The following WFDC2 variants were observed in gnomAD, a reference collection of about 807,000 sequenced individuals.
WFDC2 encodes WAP four-disulfide core domain protein 2.
A neutral mutation model predicts 12.5 loss-of-function variants in WFDC2; 8 were observed. The ratio of observed to expected loss-of-function variants is 0.64; its 90% CI spans 0.37 to 1.15. The LOEUF is 1.15. Among genes scored for constraint, WFDC2 ranks in the 50% most tolerant of loss-of-function variants. The pLI is 0.01. For synonymous variants in WFDC2, 74 were observed against 67.2 expected, an observed-to-expected ratio of 1.10 and a Z score of -0.49; for missense variants, 166 against 159.9, an observed-to-expected ratio of 1.04 and a Z score of -0.21.
At chr20:45,471,184 G>C (rs1427915742) in intron 2 of WFDC2, 5 of 471,092 alleles carry the variant, frequency 1.1e-5, no homozygotes, top group Non-Finnish European at 2.2e-5. Flanking sequence ...AAGAAAGTGA[G>C]GAATCCTCCC....
At chr20:45,480,632 C>A (rs1991291097) in intron 3 of WFDC2, among the ~76,000 whole-genome samples, 1 of 151,972 alleles carries the variant, frequency 6.6e-6, no homozygotes, top group Non-Finnish European at 1.5e-5. Flanking sequence ...TAAAAACAAA[C>A]AAACAAAAAA....
At chr20:45,479,801 A>G (rs1043400849) in intron 2 of WFDC2, 141 bp from the exon 3 acceptor site, 1 of 1,613,316 alleles carries the variant, frequency 6.2e-7, no homozygotes, top group African/African-American at 1.3e-5. Context: ...AGAGCAGCTC[A>G]GGTGCCCAAG....
intron 2 of WFDC2, among the ~76,000 whole-genome samples, chr20:45,477,220 C>T (rs1287666835): frequency 6.6e-6 from 1 of 152,106 alleles, no homozygotes; most frequent in Non-Finnish European, 1.5e-5. Context: ...TGTTCCCTTG[C>T]TGGCGAGGAA....
At chr20:45,479,906 C>G in intron 2 of WFDC2, 36 bp from the exon 3 acceptor site, 1 of 1,614,104 alleles carries the variant, frequency 6.2e-7, no homozygotes, top group South Asian at 1.1e-5. Flanking sequence ...CCTGTATCGC[C>G]TCTGCCCACT....
chr20:45,477,251 G>A (rs1013364100), intron 2 of WFDC2, among the ~76,000 whole-genome samples: 1 of 152,102 alleles, frequency 6.6e-6, no homozygotes, highest in Non-Finnish European at 1.5e-5. Flanking sequence ...TTGGAGAAGA[G>A]GTGTTCTGGT....
intron 2 of WFDC2, chr20:45,479,292 TA>T: frequency 3.2e-6 from 1 of 311,838 alleles, no homozygotes; most frequent in South Asian, 3.6e-5. Flanking sequence ...GCATAGTGCT[TA>T]ACCATGGCAG....
intron 1 of WFDC2, 108 bp downstream of exon 1, chr20:45,469,968 G>A: frequency 7.2e-7 from 1 of 1,393,402 alleles, no homozygotes; most frequent in Non-Finnish European, 9.8e-7. Context: ...TGGGAATTCC[G>A]GGGGCGGAAG....
chr20:45,473,102 G>C (rs886124132), intron 2 of WFDC2, among the ~76,000 whole-genome samples: 30 of 152,104 alleles, frequency 2.0e-4, no homozygotes, highest in African/African-American at 6.3e-4. Context: ...GATGGATAGA[G>C]TGCAAAAATT....
intron 2 of WFDC2, among the ~76,000 whole-genome samples, chr20:45,476,116 G>A (rs1991229798): frequency 6.6e-6 from 1 of 152,156 alleles, no homozygotes; most frequent in South Asian, 2.1e-4. Flanking sequence ...AATGGGTCTT[G>A]ACTCTTTATC....
At position 45,469,842 on chromosome 20, in the gene WFDC2, G is replaced by C. The variant is rs748449364; in HGVS notation, c.61G>C (p.Gly21Arg). ...AALLLSLLLF[G>R]FTLVSGTGAE... ...CCTCCTCCTCAGCCTGCTGCTGTTC[G>C]GCTTCACCCTAGTCTCAGGTGAGTG... is the stretch of plus-strand genomic sequence containing the variant. The change falls in exon 1 of 4, where the codon GGC (glycine) becomes CGC (arginine). Residue 21 changes from glycine to arginine, a missense_variant. Gly to Arg is a moderately radical substitution (Grantham distance 125). Coordinates refer to ENST00000372676, the MANE Select transcript of WFDC2 (RefSeq NM_006103.4). 1 of 1,610,534 alleles carries C rather than the reference G, an allele frequency of 6.2e-7. No individual in the cohort carries two copies. Among genetic ancestry groups the C allele is most frequent in the Non-Finnish European group, 8.5e-7 (1 of 1,178,768 alleles).
rs1192348896 is a variant in WFDC2 at position 45,470,756 on chromosome 20, G to T, written c.223+224G>T. On this transcript the variant is annotated intron_variant, in intron 2 of 3. Coordinates refer to ENST00000372676, the MANE Select transcript of WFDC2 (RefSeq NM_006103.4). The surrounding 1 kb of genome is among the most constrained non-coding windows in gnomAD (Gnocchi z 5.4). ...AGGGGGGGTCCCCACCCCTAGCTGGGATTCGAGTCTCTGGTGCATGACGGG... is the reference window on the plus strand; with the variant it reads ...AGGGGGGGTCCCCACCCCTAGCTGGTATTCGAGTCTCTGGTGCATGACGGG... Among the ~76,000 whole-genome samples the T allele has an allele frequency of 5.3e-5, 8 of 152,182 alleles. No homozygotes were observed. The highest frequency in any genetic ancestry group is 1.2e-4 in the Non-Finnish European group (8 of 68,018).
chr20:45,475,046 G>A (rs1991216610), intron 2 of WFDC2, among the ~76,000 whole-genome samples: 1 of 152,038 alleles, frequency 6.6e-6, no homozygotes, highest in South Asian at 2.1e-4. Context: ...ATTTTTTATT[G>A]TGTCTATTTG....
At position 45,479,996 on chromosome 20, in the gene WFDC2, G is replaced by C. The variant is rs760690414; in HGVS notation, c.278G>C (p.Cys93Ser). 3.1e-6 allele frequency: 5 copies of C among 1,614,208 alleles called. No homozygotes were observed. The East Asian group carries it at 1.1e-4, about 36-fold the overall frequency. ...ATTAACTTTCCCCAGCTCGGCCTCT[G>C]TCGGGACCAGTGCCAGGTGGACAGC... ...VNINFPQLGLCRDQCQVDSQC... is the reference protein window; with the variant it reads ...VNINFPQLGLSRDQCQVDSQC... Residue 93 changes from cysteine to serine, a missense_variant, in exon 3 of 4, where the codon TGT becomes TCT. Coordinates refer to ENST00000372676, the MANE Select transcript of WFDC2 (RefSeq NM_006103.4).
intron 2 of WFDC2, among the ~76,000 whole-genome samples, chr20:45,472,326 T>C (rs549416257): frequency 1.6e-4 from 24 of 152,316 alleles, no homozygotes; most frequent in African/African-American, 5.1e-4. Context: ...TGTCCATGTG[T>C]TCTCATTGTT....
At chr20:45,474,059 C>T (rs552956984) in intron 2 of WFDC2, among the ~76,000 whole-genome samples, 3 of 152,192 alleles carry the variant, frequency 2.0e-5, no homozygotes, top group Non-Finnish European at 4.4e-5. Flanking sequence ...AGTTTCTTAT[C>T]AGCTTAAGGA....
intron 2 of WFDC2, among the ~76,000 whole-genome samples, chr20:45,478,853 G>A (rs372676027): frequency 2.6e-4 from 39 of 152,206 alleles, no homozygotes; most frequent in African/African-American, 8.2e-4. Flanking sequence ...GATCCCACCC[G>A]CCTGAGCCTC....
At chr20:45,479,553 T>A in intron 2 of WFDC2, 1 of 990,554 alleles carries the variant, frequency 1.0e-6, no homozygotes. Flanking sequence ...TTATAATTTC[T>A]CATAACTACA....
At chr20:45,477,360 G>T (rs1286741515) in intron 2 of WFDC2, among the ~76,000 whole-genome samples, 3 of 152,170 alleles carry the variant, frequency 2.0e-5, no homozygotes, top group Admixed American at 2.0e-4. Context: ...TGGGCCTTCT[G>T]AGTGGACGTC....
chr20:45,477,108 A>G (rs772486840), intron 2 of WFDC2, among the ~76,000 whole-genome samples: 2 of 151,916 alleles, frequency 1.3e-5, no homozygotes, highest in Non-Finnish European at 2.9e-5. Context: ...CCTTTCTTGC[A>G]TTGGGGTTAG....
Sources: gnomAD v4.1 joint callset for allele counts (sites outside exome capture counted in the v4.1 genomes callset) on GRCh38, gnomAD v4.1.1 for gene constraint, Gnocchi (gnomAD v3.1) non-coding constraint, MANE v1.5 for transcripts, NCBI Gene and HGNC (gene_info 2026-07-23, HGNC 2026-07-21) for gene names.